Variants in TLN2 observed in about 807,000 individuals in gnomAD.
TLN2 encodes the protein talin 2, also known as talin-2.
Under a neutral mutation model 294.7 loss-of-function variants are expected in TLN2, and 118 were observed. The observed-to-expected ratio is 0.40, with a 90% CI of 0.34 to 0.47. The LOEUF is 0.47. Ranked by LOEUF, TLN2 falls within the 20% of genes least tolerant of loss-of-function variation. TLN2 has a pLI of 0.84. For missense variants in TLN2, 3,083 were observed against 3,282.2 expected (o/e 0.94, Z 1.48); for synonymous variants, 1,431 against 1,304.5 (o/e 1.10, Z -2.09).
At chr15:62,435,436 T>C (rs2035238445) in intron 1 of TLN2, among the ~76,000 whole-genome samples, 1 of 152,250 alleles carries the variant, frequency 6.6e-6, no homozygotes, top group Non-Finnish European at 1.5e-5. Flanking sequence ...TTTATATGCT[T>C]AAGTCATTTT....
intron 1 of TLN2, among the ~76,000 whole-genome samples, chr15:62,392,107 A>G (rs1324699652): frequency 6.6e-6 from 1 of 152,258 alleles, no homozygotes; most frequent in Non-Finnish European, 1.5e-5. Flanking sequence ...CGGCGACAGC[A>G]GTAGCGCCCG....
At chr15:62,514,224 CA>C (rs2040074068) in intron 1 of TLN2, among the ~76,000 whole-genome samples, 1 of 152,062 alleles carries the variant, frequency 6.6e-6, no homozygotes, top group Admixed American at 6.5e-5. Flanking sequence ...TACTTGTGAA[CA>C]AAACTTTTGA....
intron 40 of TLN2, among the ~76,000 whole-genome samples, chr15:62,764,348 C>G (rs2062861607): frequency 6.6e-6 from 1 of 152,124 alleles, no homozygotes; most frequent in African/African-American, 2.4e-5. Context: ...GCTTGACTTG[C>G]AGAAGGTGCT....
rs771739882 is a variant in TLN2, at chr15:62,722,449, G to A, written c.3088G>A (p.Ala1030Thr). The change falls in exon 26 of 59, where the codon GCC becomes ACC. Residue 1030 changes from alanine to threonine, a missense_variant. Coordinates refer to ENST00000636159, the MANE Select transcript of TLN2 (RefSeq NM_015059.3). ...GCTGAGCCAGTGTGCCAAGAACCTG[G>A]CCACCAGCTTGGCGGAGCTGCGTAC... ...MQLSQCAKNLATSLAELRTAS... is the reference protein window; with the variant it reads ...MQLSQCAKNLTTSLAELRTAS... 8.1e-6 allele frequency: 13 copies of A among 1,612,598 alleles called. No individual in the cohort carries two copies. The highest frequency in any genetic ancestry group is 8.5e-6 in the Non-Finnish European group (10 of 1,179,480).
chr15:62,482,602 C>CAA (rs781297837), intron 1 of TLN2, among the ~76,000 whole-genome samples: 988 of 74,668 alleles, frequency 0.013, 22 homozygotes, highest in African/African-American at 0.037. Context: ...AACGTTGTCT[C>CAA]AAAAAAAAAA....
chr15:62,441,054 A>G (rs2035520862), intron 1 of TLN2, among the ~76,000 whole-genome samples: 1 of 152,136 alleles, frequency 6.6e-6, no homozygotes, highest in South Asian at 2.1e-4. Flanking sequence ...GCTCTGGGAC[A>G]GCGTTTCCTG....
intron 2 of TLN2, among the ~76,000 whole-genome samples, chr15:62,615,260 C>G (rs926546223): frequency 6.6e-6 from 1 of 152,220 alleles, no homozygotes; most frequent in Non-Finnish European, 1.5e-5. Flanking sequence ...TTTAGCAATG[C>G]ACACAAAGCA....
chr15:62,737,186 A>G, intron 29 of TLN2, 100 bp downstream of exon 29: 3 of 1,219,852 alleles, frequency 2.5e-6, no homozygotes, highest in Non-Finnish European at 3.5e-6. Flanking sequence ...ATGAACACTG[A>G]CACAGCAGAT....
intron 43 of TLN2, among the ~76,000 whole-genome samples, chr15:62,778,959 C>T (rs544135936): frequency 6.6e-6 from 1 of 152,272 alleles, no homozygotes; most frequent in Admixed American, 6.5e-5. Flanking sequence ...CCTTTGGGTC[C>T]CTGTGCAGCA....
intron 15 of TLN2, 41 bp downstream of exon 15, chr15:62,697,909 G>A (rs994097879): frequency 4.4e-6 from 7 of 1,597,606 alleles, no homozygotes; most frequent in Admixed American, 3.4e-5. Context: ...TTAGTCTGCT[G>A]CCTCCCGCAT....
At chr15:62,722,264 T>C (rs1303668095) in intron 25 of TLN2, 89 bp from the exon 26 acceptor site, 7 of 1,403,220 alleles carry the variant, frequency 5.0e-6, no homozygotes, top group Middle Eastern at 2.2e-4. Context: ...AATCAGTTCT[T>C]ACTGCTGTGG....
rs77783308 is a variant in TLN2, at chr15:62,479,261, G to A, written c.-238+88576G>A. 1.6e-3 allele frequency among the ~76,000 whole-genome samples: 238 copies of A among 152,194 alleles called. 2 individuals carry two copies. In the East Asian group the frequency reaches 0.038, roughly 24 times the overall value. On this transcript the variant is annotated intron_variant, in intron 1 of 58. Transcript: ENST00000636159. ...GGGCCTCATATAGGCATCAAGGACT[G>A]GTACCCTCTATTCTCTGGGCTTATT...
chr15:62,784,027 C>A, intron 45 of TLN2, 137 bp downstream of exon 45: 1 of 1,449,858 alleles, frequency 6.9e-7, no homozygotes, highest in Non-Finnish European at 9.4e-7. Flanking sequence ...CCCACCACTG[C>A]ACAGCACAGG....
intron 16 of TLN2, 66 bp from the exon 17 acceptor site, chr15:62,701,040 G>T (rs1415108628): frequency 1.5e-6 from 2 of 1,347,272 alleles, no homozygotes; most frequent in African/African-American, 2.9e-5. Context: ...TTTTATGGCG[G>T]GGCTTCTCCG....
intron 37 of TLN2, among the ~76,000 whole-genome samples, chr15:62,756,073 T>A (rs1398938315): frequency 6.6e-6 from 1 of 152,126 alleles, no homozygotes; most frequent in Non-Finnish European, 1.5e-5. Context: ...GGTGGGCTAG[T>A]AGAGGGCTCT....
Position 62,722,348 on chromosome 15 carries a change from T to C in TLN2, c.2992-5T>C. ...CCATCTTACTTTCTTTTCATCTCTC[T>C]ATAGCCTGGAAGCAAGATGGTGTCC... On this transcript the variant is annotated splice_polypyrimidine_tract_variant and splice_region_variant and intron_variant, in intron 25 of 58. Coordinates refer to ENST00000636159, the MANE Select transcript of TLN2 (RefSeq NM_015059.3). 1 of 1,606,552 alleles carries C rather than the reference T, an allele frequency of 6.2e-7. No homozygotes were observed. The highest frequency in any genetic ancestry group is 2.2e-5 in the East Asian group (1 of 44,786).
intron 1 of TLN2, among the ~76,000 whole-genome samples, chr15:62,573,775 CT>C (rs58692120): frequency 2.3e-3 from 338 of 144,996 alleles, no homozygotes; most frequent in African/African-American, 4.0e-3. Context: ...CTTCCTTTTT[CT>C]TTTTTTTTTT....
At chr15:62,793,378 G>C (rs1479420930) in intron 46 of TLN2, among the ~76,000 whole-genome samples, 1 of 152,116 alleles carries the variant, frequency 6.6e-6, no homozygotes, top group Non-Finnish European at 1.5e-5. Context: ...AGTGAAGAAG[G>C]CTCTAAGATC....
At chr15:62,692,991 G>A (rs778487080) in intron 13 of TLN2, 50 bp downstream of exon 13, 8 of 1,517,360 alleles carry the variant, frequency 5.3e-6, no homozygotes, top group Non-Finnish European at 7.2e-6. Flanking sequence ...TTATTAAAAG[G>A]CTTGGTTTCG....
Sources: gnomAD v4.1 joint callset for allele counts (sites outside exome capture counted in the v4.1 genomes callset) on GRCh38, gnomAD v4.1.1 for gene constraint, MANE v1.5 for transcripts, NCBI Gene and HGNC (gene_info 2026-07-23, HGNC 2026-07-21) for gene names.